SYN2: variants seen among roughly 807,000 people sequenced by gnomAD.
SYN2 encodes the protein synapsin II.
In SYN2, 19 loss-of-function variants were observed where a neutral mutation model predicts 50.9. The observed-to-expected ratio is 0.37, with a 90% CI of 0.26 to 0.55. The LOEUF (loss-of-function observed/expected upper bound fraction) is 0.55, where lower values mean the gene tolerates loss of function less well. SYN2 is among the 20% of genes least tolerant of loss of function. SYN2 has a pLI of 0.81. For missense variants in SYN2, 587 were observed against 576.4 expected (o/e 1.02, Z -0.19); for synonymous variants, 255 against 224.9 (o/e 1.13, Z -1.20).
intron 11 of SYN2, among the ~76,000 whole-genome samples, chr3:12,185,990 T>G (rs1698335742): frequency 2.0e-5 from 3 of 152,212 alleles, no homozygotes; most frequent in Non-Finnish European, 4.4e-5. Context: ...TATGTGTTTA[T>G]TTCTCTGTAA....
intron 1 of SYN2, among the ~76,000 whole-genome samples, chr3:12,017,510 C>T (rs549405078): frequency 6.6e-6 from 1 of 152,292 alleles, no homozygotes; most frequent in African/African-American, 2.4e-5. Context: ...CCACTGAACA[C>T]CTTGGTATTT....
intron 1 of SYN2, among the ~76,000 whole-genome samples, chr3:12,124,010 CAAAGAA>C (rs1696615405): frequency 6.6e-6 from 1 of 151,380 alleles, no homozygotes; most frequent in Non-Finnish European, 1.5e-5. Flanking sequence ...GACCCTGTCT[CAAAGAA>C]AAAAGAAAAA....
intron 1 of SYN2, among the ~76,000 whole-genome samples, chr3:12,024,141 A>C (rs1694203863): frequency 1.4e-5 from 2 of 140,152 alleles, no homozygotes; most frequent in Admixed American, 7.4e-5. Flanking sequence ...TCTGTCCATC[A>C]TTACTTCCTT....
chr3:12,041,983 T>C (rs912534335), intron 1 of SYN2, among the ~76,000 whole-genome samples: 1 of 152,236 alleles, frequency 6.6e-6, no homozygotes, highest in Non-Finnish European at 1.5e-5. Context: ...CCTTCAATGC[T>C]AGCATTGGTC....
At position 12,190,720 on chromosome 3, in the gene SYN2, C is replaced by T. The variant is rs1287036814; in HGVS notation, c.*95C>T. 1 of 1,528,520 alleles carries T rather than the reference C, an allele frequency of 6.5e-7. No homozygotes were observed. The highest frequency in any genetic ancestry group is 2.2e-5 in the Admixed American group (1 of 45,634). The allele number at this position is 1,528,520 out of a possible 1,614,324, so 94.7% of individuals were successfully genotyped here. On this transcript the variant is annotated 3_prime_UTR_variant, in exon 13 of 13. Transcript: ENST00000621198. ...CCAGCTTGGTGGTTATGTCCCATGA[C>T]CTTGACGTGTGTGGTCCCTTCCTCT...
chr3:12,183,431 A>G lies in SYN2; in HGVS notation c.1369+59A>G, dbSNP rs1460013938. On this transcript the variant is annotated intron_variant, in intron 11 of 12. Transcript: ENST00000621198. ...TTGCAGTAGGGCCAAAACAAGTCCA[A>G]GCTTCTTAAAATGATTGGTGGTTAA... is the stretch of plus-strand genomic sequence containing the variant. 9 of 1,610,374 alleles carry G rather than the reference A, an allele frequency of 5.6e-6. No individual in the cohort carries two copies. In the Admixed American group the frequency reaches 1.2e-4, roughly 21 times the overall value.
intron 10 of SYN2, among the ~76,000 whole-genome samples, chr3:12,176,413 C>CT (rs1698069405): frequency 6.6e-6 from 1 of 152,234 alleles, no homozygotes; most frequent in Non-Finnish European, 1.5e-5. Flanking sequence ...ATTTCAGACA[C>CT]TGACGGGCTG....
At chr3:12,018,198 A>C (rs1179510320) in intron 1 of SYN2, among the ~76,000 whole-genome samples, 1 of 152,192 alleles carries the variant, frequency 6.6e-6, no homozygotes, top group East Asian at 1.9e-4. Flanking sequence ...AGAAGGGACA[A>C]ATCTGAGCTG....
chr3:12,150,071 G>A (rs533420813), intron 4 of SYN2, among the ~76,000 whole-genome samples: 5 of 152,228 alleles, frequency 3.3e-5, no homozygotes, highest in African/African-American at 7.2e-5. Context: ...CCCCAACCTC[G>A]TCTCCCCTCC....
At chr3:12,038,400 A>G (rs1273986821) in intron 1 of SYN2, among the ~76,000 whole-genome samples, 2 of 152,110 alleles carry the variant, frequency 1.3e-5, no homozygotes, top group African/African-American at 2.4e-5. Flanking sequence ...TTTTTTGGCT[A>G]TACTTTGAGT....
At position 12,044,003 on chromosome 3, in the gene SYN2, T is replaced by C. The variant is rs139706801; in HGVS notation, c.377+39075T>C. Among the ~76,000 whole-genome samples, 329 of 152,314 alleles carry C rather than the reference T, an allele frequency of 2.2e-3. 1 individual carries two copies. Among genetic ancestry groups the C allele is most frequent in the Admixed American group, 6.0e-3 (92 of 15,300 alleles). ...TTGTCCAGGTATATTGTAGGTCTCA[T>C]GAGGATGGAGATCTTGTCTTGTTCA... On this transcript the variant is annotated intron_variant, in intron 1 of 12. Transcript: ENST00000621198.
chr3:12,028,503 G>A (rs1443944866), intron 1 of SYN2, among the ~76,000 whole-genome samples: 2 of 149,576 alleles, frequency 1.3e-5, no homozygotes, highest in East Asian at 3.9e-4. Flanking sequence ...CAGTGTAAAA[G>A]TGTTCCTATT....
In SYN2 at chr3:12,190,794, C is replaced by A. The variant is rs1048040286; in HGVS notation, c.*169C>A. 1.0e-5 allele frequency: 14 copies of A among 1,385,082 alleles called. No individual in the cohort carries two copies. The highest frequency in any genetic ancestry group is 1.2e-5 in the Non-Finnish European group (13 of 1,076,614). 85.8% of individuals were successfully genotyped at this position (1,385,082 alleles called of 1,614,324 possible). ...GTGCAGCCCAGAAAGGACCATTTGA[C>A]AGTCTCAGGGCAGGTGCCTACCCAG... On this transcript the variant is annotated 3_prime_UTR_variant, in exon 13 of 13. Coordinates refer to ENST00000621198, the MANE Select transcript of SYN2 (RefSeq NM_133625.6).
chr3:12,176,235 G>A (rs1698064859), intron 10 of SYN2, among the ~76,000 whole-genome samples: 1 of 152,264 alleles, frequency 6.6e-6, no homozygotes, highest in Non-Finnish European at 1.5e-5. Context: ...AGGAAACAGG[G>A]AGAGAACTTC....
intron 1 of SYN2, among the ~76,000 whole-genome samples, chr3:12,091,413 T>C (rs1205017507): frequency 2.0e-5 from 3 of 152,186 alleles, no homozygotes; most frequent in African/African-American, 7.2e-5. Flanking sequence ...CTGTGATCTA[T>C]ATGGGAAAAT....
chr3:12,153,621 TA>T, intron 5 of SYN2: 1 of 1,614,186 alleles, frequency 6.2e-7, no homozygotes, highest in Non-Finnish European at 8.5e-7. Flanking sequence ...CTGAGCCTGG[TA>T]ACCATAGAGC....
At chr3:12,022,336 G>T (rs1237910844) in intron 1 of SYN2, among the ~76,000 whole-genome samples, 2 of 152,098 alleles carry the variant, frequency 1.3e-5, no homozygotes, top group African/African-American at 2.4e-5. Context: ...CACCATTTAA[G>T]TTTCATTTCA....
At chr3:12,099,639 AAAT>A (rs1696021275) in intron 1 of SYN2, among the ~76,000 whole-genome samples, 2 of 152,134 alleles carry the variant, frequency 1.3e-5, no homozygotes, top group African/African-American at 4.8e-5. Flanking sequence ...TCTTAAAAAA[AAAT>A]AAGAGAAAAC....
chr3:12,141,786 A>G, intron 2 of SYN2, 119 bp from the exon 3 acceptor site: 1 of 667,938 alleles, frequency 1.5e-6, no homozygotes, highest in African/African-American at 1.8e-5. Flanking sequence ...CTAACTCAGT[A>G]TGTGAACATG....
Sources: gnomAD v4.1 joint callset for allele counts (sites outside exome capture counted in the v4.1 genomes callset) on GRCh38, gnomAD v4.1.1 for gene constraint, MANE v1.5 for transcripts, NCBI Gene and HGNC (gene_info 2026-07-23, HGNC 2026-07-21) for gene names.